Variants in SYNJ2BP observed in about 807,000 individuals in gnomAD.
SYNJ2BP encodes the protein synaptojanin-2-binding protein.
A neutral mutation model predicts 16.9 loss-of-function variants in SYNJ2BP; 10 were observed. The observed-to-expected ratio is 0.59, with a 90% CI of 0.36 to 1.00. SYNJ2BP has a LOEUF of 1.00. Among genes scored for constraint, SYNJ2BP ranks in the 50% least tolerant of loss-of-function variants. SYNJ2BP has a pLI of 0.01. For missense variants in SYNJ2BP, 162 were observed against 186.7 expected, an observed-to-expected ratio of 0.87 and a Z score of 0.77; for synonymous variants, 54 against 68.4, an observed-to-expected ratio of 0.79 and a Z score of 1.04.
intron 1 of SYNJ2BP, 52 bp from the exon 2 acceptor site, chr14:70,388,658 G>T (rs1270313514): frequency 2.8e-6 from 4 of 1,432,686 alleles, no homozygotes; most frequent in Non-Finnish European, 3.7e-6. Flanking sequence ...GAAAGAAAGA[G>T]ATTAGAGAAG....
intron 1 of SYNJ2BP, among the ~76,000 whole-genome samples, chr14:70,411,745 T>C (rs1234193382): frequency 6.6e-6 from 1 of 152,260 alleles, no homozygotes; most frequent in Non-Finnish European, 1.5e-5. Context: ...CAGCAGTGTC[T>C]GCATTCTTGA....
intron 2 of SYNJ2BP, among the ~76,000 whole-genome samples, chr14:70,381,321 A>G (rs1421238235): frequency 6.6e-6 from 1 of 152,212 alleles, no homozygotes; most frequent in African/African-American, 2.4e-5. Flanking sequence ...CTAATTTAAG[A>G]GACGTTATTC....
rs76492803 is a variant in SYNJ2BP, at chr14:70,416,550, G to T, written c.64+350C>A. On this transcript the variant is annotated intron_variant, in intron 1 of 3. Coordinates refer to ENST00000256366, the MANE Select transcript of SYNJ2BP (RefSeq NM_018373.3). The stretch of plus-strand genomic sequence containing the variant: ...CCATTTTACTAAACGGTCCCTCATA[G>T]GGGGAGGGATAGAACAGGCAACGGA... Among the ~76,000 whole-genome samples the T allele has an allele frequency of 1.9e-4, 29 of 152,178 alleles. No individual in the cohort carries two copies. In the East Asian group the frequency reaches 5.2e-3, roughly 27 times the overall value.
intron 1 of SYNJ2BP, among the ~76,000 whole-genome samples, chr14:70,401,621 G>C (rs1437418997): frequency 7.1e-6 from 1 of 139,972 alleles, no homozygotes; most frequent in Non-Finnish European, 1.5e-5. Flanking sequence ...CATAATTTTT[G>C]CTGAGAAAAA....
At chr14:70,412,282 C>A (rs1270896246) in intron 1 of SYNJ2BP, among the ~76,000 whole-genome samples, 1 of 152,064 alleles carries the variant, frequency 6.6e-6, no homozygotes, top group Non-Finnish European at 1.5e-5. Flanking sequence ...ATGGCTACTG[C>A]AGTGGAAAGT....
At chr14:70,390,924 A>G (rs930828842) in intron 1 of SYNJ2BP, among the ~76,000 whole-genome samples, 6 of 152,126 alleles carry the variant, frequency 3.9e-5, no homozygotes, top group African/African-American at 1.4e-4. Flanking sequence ...ACTTGAGCTC[A>G]GGAGTTCGAG....
intron 2 of SYNJ2BP, among the ~76,000 whole-genome samples, chr14:70,383,828 G>T (rs1028047239): frequency 6.6e-6 from 1 of 151,950 alleles, no homozygotes; most frequent in African/African-American, 2.4e-5. Context: ...TTTATTTCAT[G>T]GTTGTCAGAT....
chr14:70,393,964 T>TCA (rs1486905236), intron 1 of SYNJ2BP, among the ~76,000 whole-genome samples: 1 of 51,248 alleles, frequency 2.0e-5, no homozygotes, highest in African/African-American at 8.8e-5. Flanking sequence ...GAACTTAAAA[T>TCA]TAAAAAAAAA....
chr14:70,400,870 C>T (rs1435445241), intron 1 of SYNJ2BP, among the ~76,000 whole-genome samples: 1 of 152,132 alleles, frequency 6.6e-6, no homozygotes, highest in Non-Finnish European at 1.5e-5. Flanking sequence ...TCTAACATAG[C>T]TAGGGGTGTG....
chr14:70,375,415 G>T (rs1197853321), intron 3 of SYNJ2BP, among the ~76,000 whole-genome samples: 1 of 151,940 alleles, frequency 6.6e-6, no homozygotes, highest in East Asian at 1.9e-4. Context: ...GGCCAGGCTG[G>T]TCTCGAACTC....
At chr14:70,373,209 T>A (rs1887555034) in intron 3 of SYNJ2BP, 78 bp from the exon 4 acceptor site, 5 of 1,575,748 alleles carry the variant, frequency 3.2e-6, no homozygotes, top group Non-Finnish European at 3.4e-6. Context: ...ATACATCACC[T>A]GGGTTTGTAG....
intron 2 of SYNJ2BP, among the ~76,000 whole-genome samples, chr14:70,381,423 G>A (rs1450302431): frequency 6.6e-6 from 1 of 152,076 alleles, no homozygotes; most frequent in African/African-American, 2.4e-5. Flanking sequence ...TTTACCCAAG[G>A]TAAACCAGCC....
rs77216149 is a variant in SYNJ2BP at position 70,391,259 on chromosome 14, G to A, written c.65-2653C>T. Among the ~76,000 whole-genome samples the A allele has an allele frequency of 8.7e-3, 1,322 of 152,194 alleles. 10 individuals carry two copies. The highest frequency in any genetic ancestry group is 0.013 in the Non-Finnish European group (860 of 68,006). ...CTTCTGGAGTTTGTGACCTGGCTGGGCAACATAGCAAGACCCTATTCTCTA... is the reference window on the plus strand; with the variant it reads ...CTTCTGGAGTTTGTGACCTGGCTGGACAACATAGCAAGACCCTATTCTCTA... On this transcript the variant is annotated intron_variant, in intron 1 of 3. Coordinates refer to ENST00000256366, the MANE Select transcript of SYNJ2BP (RefSeq NM_018373.3).
chr14:70,377,086 A>G (rs888381094), intron 2 of SYNJ2BP, among the ~76,000 whole-genome samples: 1 of 152,254 alleles, frequency 6.6e-6, no homozygotes, highest in African/African-American at 2.4e-5. Flanking sequence ...CTTCAATATT[A>G]GACATGCTTC....
chr14:70,386,329 C>T (rs1212358513), intron 2 of SYNJ2BP, among the ~76,000 whole-genome samples: 3 of 152,194 alleles, frequency 2.0e-5, no homozygotes, highest in Non-Finnish European at 2.9e-5. Flanking sequence ...TATATTATCA[C>T]TGTCTCCATC....
chr14:70,395,817 T>C (rs533919512), intron 1 of SYNJ2BP, among the ~76,000 whole-genome samples: 1 of 152,146 alleles, frequency 6.6e-6, no homozygotes, highest in Non-Finnish European at 1.5e-5. Context: ...TCTGACACCA[T>C]CTATTATACT....
intron 1 of SYNJ2BP, among the ~76,000 whole-genome samples, chr14:70,404,761 T>C (rs1472651886): frequency 6.6e-6 from 1 of 152,160 alleles, no homozygotes. Flanking sequence ...GTGAAGAAAG[T>C]TGACAATAGA....
chr14:70,400,261 G>C (rs1378294116), intron 1 of SYNJ2BP, among the ~76,000 whole-genome samples: 4 of 152,128 alleles, frequency 2.6e-5, no homozygotes, highest in African/African-American at 4.8e-5. Flanking sequence ...AAATGACTAA[G>C]AAATTTGGTA....
intron 1 of SYNJ2BP, among the ~76,000 whole-genome samples, chr14:70,400,093 A>G (rs1888203187): frequency 6.6e-6 from 1 of 152,256 alleles, no homozygotes; most frequent in Non-Finnish European, 1.5e-5. Flanking sequence ...TCAGTCTTCC[A>G]TTAGTTCAGA....
Sources: gnomAD v4.1 joint callset for allele counts (sites outside exome capture counted in the v4.1 genomes callset) on GRCh38, gnomAD v4.1.1 for gene constraint, MANE v1.5 for transcripts, NCBI Gene and HGNC (gene_info 2026-07-23, HGNC 2026-07-21) for gene names.